LDLRAD1: variants seen among roughly 807,000 people sequenced by gnomAD.
LDLRAD1 encodes the protein low-density lipoprotein receptor class A domain-containing protein 1.
In LDLRAD1, 17 loss-of-function variants were observed where a neutral mutation model predicts 24.8. The observed-to-expected ratio is 0.69, with a 90% CI of 0.47 to 1.03. The LOEUF is 1.03. Among genes scored for constraint, LDLRAD1 ranks in the 50% least tolerant of loss-of-function variants. LDLRAD1 has a pLI of 0.00. For synonymous variants in LDLRAD1, 103 were observed against 108.2 expected (o/e 0.95, Z 0.30); for missense variants, 277 against 271.0 (o/e 1.02, Z -0.16).
At chr1:54,015,527 T>G (rs1033520354) in intron 2 of LDLRAD1, among the ~76,000 whole-genome samples, 1 of 152,028 alleles carries the variant, frequency 6.6e-6, no homozygotes, top group Admixed American at 6.6e-5. Flanking sequence ...TGAAGGGGTG[T>G]GGGAGCTACT....
At chr1:54,015,348 C>A (rs1047428135) in intron 2 of LDLRAD1, among the ~76,000 whole-genome samples, 1 of 152,178 alleles carries the variant, frequency 6.6e-6, no homozygotes, top group Non-Finnish European at 1.5e-5. Flanking sequence ...AGGGGACGTC[C>A]CTGCTCTTGT....
intron 4 of LDLRAD1, among the ~76,000 whole-genome samples, chr1:54,011,063 G>A (rs892465886): frequency 6.6e-6 from 1 of 152,150 alleles, no homozygotes; most frequent in Non-Finnish European, 1.5e-5. Flanking sequence ...GTCCAGGGAC[G>A]GGGACATGGG....
At chr1:54,014,164 C>T (rs1421615011) in intron 3 of LDLRAD1, 72 bp downstream of exon 3, 1 of 1,523,484 alleles carries the variant, frequency 6.6e-7, no homozygotes, top group Non-Finnish European at 8.9e-7. Context: ...CAGGTCGGGG[C>T]TCCCTCATCT....
rs77432369 is a variant in LDLRAD1, at chr1:54,017,545, C to A, written c.22-118G>T. 6.8e-3 allele frequency: 5,349 copies of A among 786,370 alleles called. 184 individuals are homozygous for A. The African/African-American group carries it at 0.08, about 12-fold the overall frequency. The allele number at this position is 786,370 out of a possible 1,614,324, so 48.7% of individuals were successfully genotyped here. On this transcript the variant is annotated intron_variant, in intron 1 of 5. Transcript: ENST00000371360. The stretch of plus-strand genomic sequence containing the variant: ...GAGAGTCTTAGGTAGAACCACGGGT[C>A]CGTCACACCCCAGCATCTCACGCCC...
intron 3 of LDLRAD1, among the ~76,000 whole-genome samples, chr1:54,013,544 C>T (rs1656155754): frequency 6.6e-6 from 1 of 151,914 alleles, no homozygotes; most frequent in African/African-American, 2.4e-5. Context: ...CTTGTCACTC[C>T]AGCCCTTCCT....
rs988806609 is a variant in LDLRAD1 at position 54,009,252 on chromosome 1, G to A, written c.470-122C>T. 3.5e-6 allele frequency: 3 copies of A among 849,272 alleles called. No individual in the cohort carries two copies. The African/African-American group carries it at 5.1e-5, about 14-fold the overall frequency. 52.6% of individuals were successfully genotyped at this position (849,272 alleles called of 1,614,324 possible). A position where few individuals can be genotyped will look rare whatever the true frequency, so the allele number is the denominator to read the frequency against. On this transcript the variant is annotated intron_variant, in intron 5 of 5. Transcript: ENST00000371360. ...CATGGCCCCAACCCATCTGACGTGA[G>A]TTGAGTGTGTTCCTAGTTTTCCTGC...
chr1:54,012,113 TG>T (rs764361072), intron 4 of LDLRAD1, 29 bp downstream of exon 4: 4 of 1,611,056 alleles, frequency 2.5e-6, no homozygotes, highest in Admixed American at 3.3e-5. Flanking sequence ...GGGGAACCCC[TG>T]GGAGGGGCAG....
At chr1:54,016,535 G>A (rs1656314909) in intron 2 of LDLRAD1, among the ~76,000 whole-genome samples, 2 of 152,200 alleles carry the variant, frequency 1.3e-5, no homozygotes, top group African/African-American at 4.8e-5. Context: ...GTACCGATGA[G>A]GAAAAGGAGG....
Position 54,017,421 on chromosome 1 carries a change from T to C in LDLRAD1, c.28A>G (p.Asn10Asp). ...TTGGATTCAGCAGCAGTGTAGCCAT[T>C]CTCTCCCTGCCCAAGAGAACAGAGT... MNKVFPQGE[N>D]GYTAAESKAH... Residue 10 changes from asparagine (N) to aspartate (D), a missense_variant, in exon 2 of 6, where the codon AAT becomes GAT. Coordinates refer to ENST00000371360, the MANE Select transcript of LDLRAD1 (RefSeq NM_001010978.4). 6.2e-7 allele frequency: 1 copy of C among 1,602,414 alleles called. No individual in the cohort carries two copies. The highest frequency in any genetic ancestry group is 1.3e-5 in the African/African-American group (1 of 74,846).
chr1:54,012,288 G>T lies in LDLRAD1; in HGVS notation c.203-8C>A, dbSNP rs115400537. 4,018 of 1,614,032 alleles carry T rather than the reference G, an allele frequency of 2.5e-3. 99 individuals carry two copies. The African/African-American group carries it at 0.049, about 20-fold the overall frequency. On this transcript the variant is annotated splice_polypyrimidine_tract_variant and splice_region_variant and intron_variant, in intron 3 of 5. Transcript: ENST00000371360. ...TTATACAAGCTTGGGCTCCTGAATGGGCAGGGAAAGGCCCTGGAGGGTCAA... is the reference window on the plus strand; with the variant it reads ...TTATACAAGCTTGGGCTCCTGAATGTGCAGGGAAAGGCCCTGGAGGGTCAA...
rs766199637 is a variant in LDLRAD1, at chr1:54,012,244, C to T, written c.239G>A (p.Gly80Asp). The T allele has an allele frequency of 5.6e-6, 9 of 1,613,994 alleles. No homozygotes were observed. Among genetic ancestry groups the T allele is most frequent in the South Asian group, 4.4e-5 (4 of 91,084 alleles). Residue 80 changes from glycine (G) to aspartate (D), a missense_variant, in exon 4 of 6, where the codon GGC becomes GAC. Transcript: ENST00000371360. ...GCTCCTCTGGTCATGGCACAAGAAGCCTGTCCTGTTTGTCAGTGTTATACA... is the reference window on the plus strand; with the variant it reads ...GCTCCTCTGGTCATGGCACAAGAAGTCTGTCCTGTTTGTCAGTGTTATACA... ...QACITLTNRTGFLCHDQRSCI... is the reference protein window; with the variant it reads ...QACITLTNRTDFLCHDQRSCI...
chr1:54,012,207 G>A lies in LDLRAD1; in HGVS notation c.276C>T (p.Ala92=), dbSNP rs771493383. Reference sequence around the variant, plus strand: ...TGCGAACGCCATCACAGACCCCACTGGCTGGAATGCAGCTCCTCTGGTCAT... The same window carrying A: ...TGCGAACGCCATCACAGACCCCACTAGCTGGAATGCAGCTCCTCTGGTCAT... ...LCHDQRSCIP[A]SGVCDGVRTC... is the part of the protein sequence containing the mutation. The change falls in exon 4 of 6, where the codon GCC becomes GCT. Residue 92 remains alanine, a synonymous_variant. Transcript: ENST00000371360. 20 of 1,614,008 alleles carry A rather than the reference G, an allele frequency of 1.2e-5. No individual in the cohort carries two copies. Among genetic ancestry groups the A allele is most frequent in the Non-Finnish European group, 1.7e-5 (20 of 1,180,000 alleles).
rs1569880700 is a variant in LDLRAD1 at position 54,008,751 on chromosome 1, C to G, written c.*231G>C. 6 of 463,648 alleles carry G rather than the reference C, an allele frequency of 1.3e-5. No homozygotes were observed. The East Asian group carries it at 2.3e-4, about 18-fold the overall frequency. The allele number at this position is 463,648 out of a possible 1,614,324, so 28.7% of individuals were successfully genotyped here. A position where few individuals can be genotyped will look rare whatever the true frequency, so the allele number is the denominator to read the frequency against. On this transcript the variant is annotated 3_prime_UTR_variant, in exon 6 of 6. Coordinates refer to ENST00000371360, the MANE Select transcript of LDLRAD1 (RefSeq NM_001010978.4). ...TTTTGGTAGAGACGGGGTTCCACCA[C>G]ATCATCTTTGTTAGAAGCCACCTAA...
chr1:54,018,142 CTG>C lies in LDLRAD1; in HGVS notation c.-32_-31del. 1 of 1,613,130 alleles carries C rather than the reference CTG, an allele frequency of 6.2e-7. No individual in the cohort carries two copies. The highest frequency in any genetic ancestry group is 2.2e-5 in the East Asian group (1 of 44,884). On this transcript the variant is annotated 5_prime_UTR_variant, in exon 1 of 6. Transcript: ENST00000371360. ...TCGGTTTCCTGCTGCCCGACTGGGG[CTG>C]TGTGCAGAGAGCTCAGCACGGGTTC...
chr1:54,009,178 G>A (rs369161051), intron 5 of LDLRAD1, 48 bp from the exon 6 acceptor site: 24 of 1,584,718 alleles, frequency 1.5e-5, no homozygotes, highest in African/African-American at 1.2e-4. Flanking sequence ...GTCCTGGAAC[G>A]CTCTGTGCAC....
intron 2 of LDLRAD1, 50 bp from the exon 3 acceptor site, chr1:54,014,414 G>T (rs773651225): frequency 1.3e-6 from 2 of 1,510,468 alleles, no homozygotes; most frequent in African/African-American, 1.4e-5. Flanking sequence ...GGGGGCCAGC[G>T]CTAGGAACAG....
intron 4 of LDLRAD1, among the ~76,000 whole-genome samples, chr1:54,011,301 G>A (rs1162244499): frequency 6.6e-6 from 1 of 152,142 alleles, no homozygotes; most frequent in African/African-American, 2.4e-5. Context: ...AACCAATCAG[G>A]GAGGAACCAC....
intron 3 of LDLRAD1, 112 bp from the exon 4 acceptor site, chr1:54,012,392 G>A: frequency 8.7e-7 from 1 of 1,154,542 alleles, no homozygotes; most frequent in Non-Finnish European, 1.3e-6. Flanking sequence ...CAGTGGGGAG[G>A]ATGGACCCAG....
At position 54,011,826 on chromosome 1, in the gene LDLRAD1, G is replaced by A. The variant is rs567263758; in HGVS notation, c.340+317C>T. Among the ~76,000 whole-genome samples the A allele has an allele frequency of 5.3e-5, 8 of 152,362 alleles. No individual in the cohort carries two copies. In the East Asian group the frequency reaches 1.2e-3, roughly 22 times the overall value. ...GGACACAGGGAATCACAGGGACTGT[G>A]GAAGCCCAAAGGAGACACTTTAACC... On this transcript the variant is annotated intron_variant, in intron 4 of 5. Transcript: ENST00000371360.
Sources: gnomAD v4.1 joint callset for allele counts (sites outside exome capture counted in the v4.1 genomes callset) on GRCh38, gnomAD v4.1.1 for gene constraint, MANE v1.5 for transcripts, NCBI Gene and HGNC (gene_info 2026-07-23, HGNC 2026-07-21) for gene names.